PRKCA: variants seen among roughly 807,000 people sequenced by gnomAD.
PRKCA encodes the protein protein kinase C alpha type.
PRKCA carries 27 observed loss-of-function variants against 87.0 expected under a neutral mutation model. The observed-to-expected ratio is 0.31, with a 90% confidence interval of 0.23 to 0.43. The LOEUF (loss-of-function observed/expected upper bound fraction) is 0.43. Ranked by LOEUF, PRKCA falls within the 20% of genes least tolerant of loss-of-function variation. PRKCA has a pLI of 1.00. For missense variants in PRKCA, 518 were observed against 852.3 expected, an observed-to-expected ratio of 0.61 and a Z score of 4.88; for synonymous variants, 329 against 311.1, an observed-to-expected ratio of 1.06 and a Z score of -0.61.
At chr17:66,713,302 G>A (rs1043458969) in intron 8 of PRKCA, among the ~76,000 whole-genome samples, 7 of 151,808 alleles carry the variant, frequency 4.6e-5, no homozygotes, top group African/African-American at 1.7e-4. Context: ...TGCCTGCCTC[G>A]GCCTCCCAAA....
At chr17:66,395,997 A>G (rs1311624982) in intron 2 of PRKCA, among the ~76,000 whole-genome samples, 1 of 152,146 alleles carries the variant, frequency 6.6e-6, no homozygotes, top group Non-Finnish European at 1.5e-5. Flanking sequence ...CCCACTAGGG[A>G]AAATAATTGG....
chr17:66,408,755 T>C (rs886758888), intron 2 of PRKCA, among the ~76,000 whole-genome samples: 1 of 152,036 alleles, frequency 6.6e-6, no homozygotes, highest in Admixed American at 6.6e-5. Flanking sequence ...GCACTTTTGA[T>C]TGAAATGGTG....
intron 13 of PRKCA, among the ~76,000 whole-genome samples, chr17:66,743,123 G>A (rs1049878754): frequency 6.6e-6 from 1 of 152,214 alleles, no homozygotes; most frequent in Non-Finnish European, 1.5e-5. Flanking sequence ...AAGGTCAGGA[G>A]TTCAAGACCA....
At chr17:66,342,053 A>G (rs533818641) in intron 2 of PRKCA, among the ~76,000 whole-genome samples, 1 of 152,336 alleles carries the variant, frequency 6.6e-6, no homozygotes, top group East Asian at 1.9e-4. Context: ...TGCTGCACAC[A>G]GACACCAAGG....
chr17:66,539,159 G>A (rs1967891116), intron 3 of PRKCA, among the ~76,000 whole-genome samples: 1 of 152,184 alleles, frequency 6.6e-6, no homozygotes, highest in Middle Eastern at 3.4e-3. Context: ...TTTCTGTGTG[G>A]TGTCCTCAGA....
chr17:66,627,944 T>C (rs1970903155), intron 3 of PRKCA, among the ~76,000 whole-genome samples: 1 of 152,206 alleles, frequency 6.6e-6, no homozygotes, highest in Admixed American at 6.5e-5. Context: ...AAACCTCAGC[T>C]ATCAATTTGT....
At chr17:66,440,147 C>A (rs966500324) in intron 2 of PRKCA, among the ~76,000 whole-genome samples, 5 of 152,214 alleles carry the variant, frequency 3.3e-5, no homozygotes, top group Non-Finnish European at 7.3e-5. Context: ...AATCCTAGAT[C>A]CAAGTCATTG....
At chr17:66,447,088 C>G (rs942596513) in intron 2 of PRKCA, among the ~76,000 whole-genome samples, 3 of 152,170 alleles carry the variant, frequency 2.0e-5, no homozygotes, top group Non-Finnish European at 4.4e-5. Flanking sequence ...CATCAAAAGA[C>G]AGACTGCGAA....
At chr17:66,533,785 C>G (rs1967657029) in intron 3 of PRKCA, among the ~76,000 whole-genome samples, 1 of 152,148 alleles carries the variant, frequency 6.6e-6, no homozygotes, top group Admixed American at 6.5e-5. Flanking sequence ...TTTAGTTGCT[C>G]AGGCTTCTTT....
intron 5 of PRKCA, among the ~76,000 whole-genome samples, chr17:66,652,044 C>T (rs1444201713): frequency 6.6e-6 from 1 of 152,120 alleles, no homozygotes; most frequent in East Asian, 1.9e-4. Flanking sequence ...TTGCAACCTC[C>T]GCCTCCTGGA....
At chr17:66,638,265 A>C (rs1971198676) in intron 3 of PRKCA, 1 of 152,060 alleles carries the variant, frequency 6.6e-6, no homozygotes, top group South Asian at 2.1e-4. Context: ...GTCACATCGT[A>C]GGTCTGTGCT....
intron 2 of PRKCA, among the ~76,000 whole-genome samples, chr17:66,453,232 C>T (rs766684965): frequency 6.6e-6 from 1 of 152,118 alleles, no homozygotes; most frequent in African/African-American, 2.4e-5. Flanking sequence ...TGAGGGAATC[C>T]CAGGAAAAGA....
chr17:66,335,649 A>T (rs991428250), intron 2 of PRKCA, among the ~76,000 whole-genome samples: 7 of 152,102 alleles, frequency 4.6e-5, no homozygotes, highest in Non-Finnish European at 1.0e-4. Flanking sequence ...ATGTTATTGC[A>T]ATTTCAGAGT....
At chr17:66,569,528 C>G (rs1376544502) in intron 3 of PRKCA, among the ~76,000 whole-genome samples, 4 of 151,982 alleles carry the variant, frequency 2.6e-5, no homozygotes, top group African/African-American at 9.7e-5. Flanking sequence ...GAGACCATGC[C>G]ACTGCACTCC....
chr17:66,778,160 C>A, intron 14 of PRKCA: 1 of 985,310 alleles, frequency 1.0e-6, no homozygotes. Flanking sequence ...TCCCACACTG[C>A]TTCTCAGAGC....
chr17:66,775,724 C>T (rs1296756933), intron 14 of PRKCA: 14 of 985,330 alleles, frequency 1.4e-5, no homozygotes, highest in African/African-American at 1.7e-5. Flanking sequence ...CCACATGTTA[C>T]GTCCATTGAC....
rs898946152 is a variant in PRKCA at position 66,805,295 on chromosome 17, T to C, written c.*1258T>C. The C allele has an allele frequency of 4.8e-6, 1 of 209,892 alleles. No individual in the cohort carries two copies. The allele number at this position is 209,892 out of a possible 1,614,324, so 13.0% of individuals were successfully genotyped here. A position where few individuals can be genotyped will look rare whatever the true frequency, so the allele number is the denominator to read the frequency against. ...TCATGCAATGAATTTTGCATGTTTA[T>C]AATAAACCTTAATAACAAGTGAATC... On this transcript the variant is annotated 3_prime_UTR_variant, in exon 17 of 17. Transcript: ENST00000413366.
intron 2 of PRKCA, among the ~76,000 whole-genome samples, chr17:66,383,964 TG>T (rs1316642412): frequency 6.6e-6 from 1 of 151,856 alleles, no homozygotes; most frequent in Non-Finnish European, 1.5e-5. Context: ...AAAAAAAAAT[TG>T]TTTTTGATGA....
intron 3 of PRKCA, among the ~76,000 whole-genome samples, chr17:66,610,518 C>A (rs576519374): frequency 6.6e-6 from 1 of 152,276 alleles, no homozygotes; most frequent in African/African-American, 2.4e-5. Context: ...CCCAGAGTCA[C>A]CCCATGATAA....
Sources: allele counts gnomAD v4.1 joint callset (sites outside exome capture counted in the v4.1 genomes callset), GRCh38; gene constraint gnomAD v4.1.1; transcripts MANE v1.5; gene names NCBI Gene and HGNC (gene_info 2026-07-23, HGNC 2026-07-21).